Variants in TBL1XR1 observed in about 807,000 individuals in gnomAD.
The protein encoded by TBL1XR1 is TBL1X/Y related 1, also known as F-box-like/WD repeat-containing protein TBL1XR1.
A neutral mutation model predicts 66.9 loss-of-function variants in TBL1XR1; 5 were observed. The ratio of observed to expected loss-of-function variants is 0.07; its 90% CI spans 0.04 to 0.16. The LOEUF is 0.16. Ranked by LOEUF, TBL1XR1 falls within the 10% of genes least tolerant of loss-of-function variation. The pLI is 1.00. For missense variants in TBL1XR1, 238 were observed against 623.2 expected, an observed-to-expected ratio of 0.38 and a Z score of 6.58; for synonymous variants, 210 against 206.0, an observed-to-expected ratio of 1.02 and a Z score of -0.17.
At chr3:177,078,423 A>AT (rs758816724) in intron 2 of TBL1XR1, among the ~76,000 whole-genome samples, 11 of 150,802 alleles carry the variant, frequency 7.3e-5, no homozygotes, top group South Asian at 2.1e-4. Flanking sequence ...AAAAAAAAAA[A>AT]TTTTGGTTTT....
chr3:177,097,152 A>C (rs1242547489), intron 2 of TBL1XR1, among the ~76,000 whole-genome samples: 1 of 152,232 alleles, frequency 6.6e-6, no homozygotes, highest in African/African-American at 2.4e-5. Flanking sequence ...AACTTTTAAT[A>C]GTTTTTCTTT....
Position 177,176,775 on chromosome 3 carries a change from ACTGCACTCCAGC to A in TBL1XR1, c.-122+20334_-122+20345del, listed in dbSNP as rs558486133. Among the ~76,000 whole-genome samples, 8 of 152,132 alleles carry A rather than the reference ACTGCACTCCAGC, an allele frequency of 5.3e-5. No homozygotes were observed. The South Asian group carries it at 1.7e-3, about 32-fold the overall frequency. Reference sequence around the variant, plus strand: ...GGTTGCAGTGAGCCAAGATTGCGCCACTGCACTCCAGCCTGGGCAGAAGAAAAACTCTGTCTC... The same window carrying A: ...GGTTGCAGTGAGCCAAGATTGCGCCACTGGGCAGAAGAAAAACTCTGTCTC... On this transcript the variant is annotated intron_variant, in intron 1 of 15. Coordinates refer to ENST00000457928, the MANE Select transcript of TBL1XR1 (RefSeq NM_024665.7).
intron 4 of TBL1XR1, among the ~76,000 whole-genome samples, chr3:177,053,103 CACAAA>C (rs549067290): frequency 5.3e-5 from 8 of 152,084 alleles, no homozygotes; most frequent in Admixed American, 4.6e-4. Flanking sequence ...TTCCGTCACA[CACAAA>C]ACAAAACAAA....
chr3:177,101,893 T>C (rs1724265611), intron 1 of TBL1XR1, among the ~76,000 whole-genome samples: 1 of 152,224 alleles, frequency 6.6e-6, no homozygotes, highest in African/African-American at 2.4e-5. Context: ...CAATATGTTC[T>C]ACATGACTCT....
At chr3:177,109,802 G>A (rs1220742963) in intron 1 of TBL1XR1, among the ~76,000 whole-genome samples, 1 of 152,048 alleles carries the variant, frequency 6.6e-6, no homozygotes, top group African/African-American at 2.4e-5. Flanking sequence ...GAACCCCTGG[G>A]TTGCAATATT....
At chr3:177,092,360 T>C (rs1453633787) in intron 2 of TBL1XR1, among the ~76,000 whole-genome samples, 1 of 151,786 alleles carries the variant, frequency 6.6e-6, no homozygotes, top group Non-Finnish European at 1.5e-5. Flanking sequence ...TTACAGAAAA[T>C]ATAAGGAAAA....
At chr3:177,083,765 G>GTT (rs201718776) in intron 2 of TBL1XR1, among the ~76,000 whole-genome samples, 1 of 150,186 alleles carries the variant, frequency 6.7e-6, no homozygotes, top group Non-Finnish European at 1.5e-5. Context: ...TCAAGTAATG[G>GTT]TTTTTTTTTG....
At chr3:177,167,313 G>A (rs1275479824) in intron 1 of TBL1XR1, among the ~76,000 whole-genome samples, 3 of 152,222 alleles carry the variant, frequency 2.0e-5, no homozygotes, top group African/African-American at 7.2e-5. Context: ...GAGGCAGCCA[G>A]AAGGTTGCCA....
Position 177,022,943 on chromosome 3 carries a change from G to A in TBL1XR1, c.*2555C>T, listed in dbSNP as rs1205951250. The A allele has an allele frequency of 6.6e-6, 1 of 151,574 alleles. No homozygotes were observed. The highest frequency in any genetic ancestry group is 6.6e-5 in the Admixed American group (1 of 15,182). 9.4% of individuals were successfully genotyped at this position (151,574 alleles called of 1,614,324 possible). A position where few individuals can be genotyped will look rare whatever the true frequency, so the allele number is the denominator to read the frequency against. On this transcript the variant is annotated 3_prime_UTR_variant, in exon 16 of 16. Transcript: ENST00000457928. ...ATACTTAAAAGACCCAAGACGTCAG[G>A]ATAATAAAGCTCTGTATTTATAATC...
intron 2 of TBL1XR1, among the ~76,000 whole-genome samples, chr3:177,081,789 A>T (rs1721431201): frequency 6.6e-6 from 1 of 151,878 alleles, no homozygotes; most frequent in African/African-American, 2.4e-5. Flanking sequence ...TACAACTACT[A>T]ATTATAAGAT....
intron 1 of TBL1XR1, among the ~76,000 whole-genome samples, chr3:177,182,338 C>T (rs1206385208): frequency 6.6e-6 from 1 of 152,110 alleles, no homozygotes; most frequent in Non-Finnish European, 1.5e-5. Flanking sequence ...TGAGCCATGA[C>T]CGTGCCACTG....
chr3:177,089,742 G>A (rs2108637711), intron 2 of TBL1XR1, among the ~76,000 whole-genome samples: 1 of 152,334 alleles, frequency 6.6e-6, no homozygotes, highest in East Asian at 1.9e-4. Flanking sequence ...AGAGGAAATA[G>A]AAGGGCTCAG....
chr3:177,110,854 C>G (rs543469803), intron 1 of TBL1XR1: 29 of 152,292 alleles, frequency 1.9e-4, no homozygotes, highest in African/African-American at 6.7e-4. Context: ...CTAAGGAATA[C>G]TTCTTCTAGA....
rs1456106471 is a variant in TBL1XR1, at chr3:177,022,107, TTGAC to T, written c.*3387_*3390del. On this transcript the variant is annotated 3_prime_UTR_variant, in exon 16 of 16. Transcript: ENST00000457928. Reference sequence around the variant, plus strand: ...ATAGTACTCTCTCATTAAATCTAATTTGACAGAAAGAAGTTTAAGGGAAAAAGGA... The same window carrying T: ...ATAGTACTCTCTCATTAAATCTAATTAGAAAGAAGTTTAAGGGAAAAAGGA... The T allele has an allele frequency of 6.6e-6, 1 of 152,542 alleles. No individual in the cohort carries two copies. Among genetic ancestry groups the T allele is most frequent in the Non-Finnish European group, 1.5e-5 (1 of 67,976 alleles). 9.4% of individuals were successfully genotyped at this position (152,542 alleles called of 1,614,324 possible). A position where few individuals can be genotyped will look rare whatever the true frequency, so the allele number is the denominator to read the frequency against.
At chr3:177,115,939 T>G (rs1420475497) in intron 1 of TBL1XR1, among the ~76,000 whole-genome samples, 2 of 152,146 alleles carry the variant, frequency 1.3e-5, no homozygotes, top group African/African-American at 2.4e-5. Context: ...TGGTAAGGCC[T>G]CAGAAGTCCG....
chr3:177,047,773 C>T (rs1007884885), intron 7 of TBL1XR1: 1 of 515,606 alleles, frequency 1.9e-6, no homozygotes, highest in Non-Finnish European at 3.5e-6. Flanking sequence ...AGTTCAACAA[C>T]TGACAGTGAT....
At chr3:177,041,618 A>G (rs1307214546) in intron 10 of TBL1XR1, among the ~76,000 whole-genome samples, 2 of 152,180 alleles carry the variant, frequency 1.3e-5, no homozygotes, top group East Asian at 3.9e-4. Context: ...CTCTGCCTCT[A>G]CTTGTGTGTA....
chr3:177,092,246 A>G (rs764462838), intron 2 of TBL1XR1, among the ~76,000 whole-genome samples: 7 of 152,180 alleles, frequency 4.6e-5, no homozygotes, highest in Non-Finnish European at 7.4e-5. Context: ...CACCTGTGAA[A>G]TATTCTGCCA....
chr3:177,047,907 A>G (rs556852092), intron 7 of TBL1XR1: 2 of 207,380 alleles, frequency 9.6e-6, no homozygotes, highest in Admixed American at 1.0e-4. Context: ...ATAGTCTTAC[A>G]ATGATTTATT....
Sources: allele counts gnomAD v4.1 joint callset (sites outside exome capture counted in the v4.1 genomes callset), GRCh38; gene constraint gnomAD v4.1.1; transcripts MANE v1.5; gene names NCBI Gene and HGNC (gene_info 2026-07-23, HGNC 2026-07-21).